The following ARHGAP31 variants were observed in gnomAD, a reference collection of about 807,000 sequenced individuals.
ARHGAP31 encodes Rho GTPase activating protein 31.
Under a neutral mutation model 113.9 loss-of-function variants are expected in ARHGAP31, and 34 were observed. That is an observed-to-expected ratio of 0.30 (90% CI 0.23 to 0.40). The LOEUF is 0.40. Among genes scored for constraint, ARHGAP31 ranks in the 10% least tolerant of loss-of-function variants. ARHGAP31 has a pLI of 1.00. For synonymous variants in ARHGAP31, 650 were observed against 684.8 expected (o/e 0.95, Z 0.79); for missense variants, 1,548 against 1,767.1 (o/e 0.88, Z 2.22).
At chr3:119,327,120 A>C (rs1016474157) in intron 1 of ARHGAP31, among the ~76,000 whole-genome samples, 9 of 152,174 alleles carry the variant, frequency 5.9e-5, no homozygotes, top group African/African-American at 1.9e-4. Context: ...AGCCTGGGCG[A>C]TAGAGCCAGA....
At position 119,401,937 on chromosome 3, in the gene ARHGAP31, G is replaced by A. The variant is rs1287759368; in HGVS notation, c.1185G>A (p.Glu395=). 1.2e-6 allele frequency: 2 copies of A among 1,614,016 alleles called. No homozygotes were observed. The highest frequency in any genetic ancestry group is 1.7e-5 in the Admixed American group (1 of 60,000). Residue 395 remains glutamate, a synonymous_variant, in exon 10 of 12, where the codon GAG becomes GAA. Coordinates refer to ENST00000264245, the MANE Select transcript of ARHGAP31 (RefSeq NM_020754.4). ...GCTCATGTGACCTCACCAAGCAGGA[G>A]GGCGAATGGGGCCAGGAGGGGATGC... ...TGSSCDLTKQ[E]GEWGQEGMPP...
intron 1 of ARHGAP31, among the ~76,000 whole-genome samples, chr3:119,300,439 A>G (rs921071404): frequency 1.3e-5 from 2 of 152,200 alleles, no homozygotes; most frequent in Non-Finnish European, 2.9e-5. Flanking sequence ...AAGCCAATTT[A>G]TGCAGGGATT....
intron 1 of ARHGAP31, among the ~76,000 whole-genome samples, chr3:119,359,473 T>A (rs893944669): frequency 6.6e-6 from 1 of 152,008 alleles, no homozygotes; most frequent in Non-Finnish European, 1.5e-5. Context: ...ACAGAACACA[T>A]TATACTTTGT....
chr3:119,337,166 G>C (rs187677160), intron 1 of ARHGAP31, among the ~76,000 whole-genome samples: 1 of 152,186 alleles, frequency 6.6e-6, no homozygotes, highest in East Asian at 1.9e-4. Context: ...GCGGACCCTG[G>C]CAGTGAGTGT....
At position 119,313,307 on chromosome 3, in the gene ARHGAP31, CAT is replaced by C. The variant is rs769190956; in HGVS notation, c.100+18306_100+18307del. On this transcript the variant is annotated intron_variant, in intron 1 of 11. Coordinates refer to ENST00000264245, the MANE Select transcript of ARHGAP31 (RefSeq NM_020754.4). ...TTTTGTGTATATACAAGCAAATATA[CAT>C]ATGTTTTATTTTTTAAACCATAATT... Among the ~76,000 whole-genome samples, 50 of 152,274 alleles carry C rather than the reference CAT, an allele frequency of 3.3e-4. 1 individual carries two copies. Among genetic ancestry groups the C allele is most frequent in the Admixed American group, 2.2e-3 (33 of 15,292 alleles).
chr3:119,295,189 C>T (rs1054594980), intron 1 of ARHGAP31, among the ~76,000 whole-genome samples, 185 bp downstream of exon 1: 1 of 151,376 alleles, frequency 6.6e-6, no homozygotes, highest in African/African-American at 2.4e-5. Flanking sequence ...CACAGCGCTG[C>T]TGTCCCGACG....
At chr3:119,412,879 C>T (rs1048864216) in intron 11 of ARHGAP31, among the ~76,000 whole-genome samples, 1 of 151,470 alleles carries the variant, frequency 6.6e-6, no homozygotes, top group African/African-American at 2.4e-5. Context: ...AAAAATTAGC[C>T]GGGTGGCACA....
At chr3:119,353,988 C>G (rs2080134017) in intron 1 of ARHGAP31, among the ~76,000 whole-genome samples, 1 of 152,140 alleles carries the variant, frequency 6.6e-6, no homozygotes, top group African/African-American at 2.4e-5. Context: ...CAGCAGAGAC[C>G]TGAGGGCCCC....
intron 7 of ARHGAP31, among the ~76,000 whole-genome samples, chr3:119,392,090 C>T (rs1423394099): frequency 6.6e-6 from 1 of 152,156 alleles, no homozygotes; most frequent in Non-Finnish European, 1.5e-5. Context: ...AAAAGCTTGA[C>T]AAAATGTGGG....
At chr3:119,407,039 G>A (rs1559995700) in intron 10 of ARHGAP31, among the ~76,000 whole-genome samples, 3 of 152,062 alleles carry the variant, frequency 2.0e-5, no homozygotes, top group East Asian at 1.9e-4. Context: ...AAACCCAAAT[G>A]AGGCCACATC....
At chr3:119,394,361 C>G (rs866591463) in intron 8 of ARHGAP31, among the ~76,000 whole-genome samples, 1 of 152,116 alleles carries the variant, frequency 6.6e-6, no homozygotes, top group Non-Finnish European at 1.5e-5. Flanking sequence ...CCTTCTCCCC[C>G]AGGGTCGTGA....
chr3:119,302,730 C>T (rs2079595335), intron 1 of ARHGAP31, among the ~76,000 whole-genome samples: 1 of 152,196 alleles, frequency 6.6e-6, no homozygotes, highest in Non-Finnish European at 1.5e-5. Context: ...CTGTATGACT[C>T]CTAAGGCCAT....
chr3:119,300,874 GAC>G (rs1288136134), intron 1 of ARHGAP31, among the ~76,000 whole-genome samples: 4 of 147,508 alleles, frequency 2.7e-5, no homozygotes, highest in Admixed American at 6.8e-5. Flanking sequence ...AAGAAAGAAA[GAC>G]ACAGCCTCAG....
rs536515609 is a variant in ARHGAP31 at position 119,347,824 on chromosome 3, A to C, written c.101-17492A>C. Among the ~76,000 whole-genome samples the C allele has an allele frequency of 1.5e-4, 23 of 152,360 alleles. 1 individual carries two copies. In the East Asian group the frequency reaches 4.4e-3, roughly 29 times the overall value. The stretch of plus-strand genomic sequence containing the variant: ...GACATTTTCAGTAGCAAACAACTGA[A>C]AATTCTAATTCTGAAGCTCTTAAAG... On this transcript the variant is annotated intron_variant, in intron 1 of 11. Coordinates refer to ENST00000264245, the MANE Select transcript of ARHGAP31 (RefSeq NM_020754.4).
At chr3:119,368,231 TAGA>T (rs1453890990) in intron 2 of ARHGAP31, 138 bp from the exon 3 acceptor site, 3 of 1,082,426 alleles carry the variant, frequency 2.8e-6, no homozygotes, top group East Asian at 2.5e-5. Context: ...GGGCCTGGAG[TAGA>T]AGATCTTTTT....
At chr3:119,382,544 G>C (rs937013507) in intron 5 of ARHGAP31, 145 bp downstream of exon 5, 1 of 731,976 alleles carries the variant, frequency 1.4e-6, no homozygotes, top group Non-Finnish European at 2.2e-6. Context: ...ATGAATTAAA[G>C]GTGATTTAGG....
At chr3:119,334,762 G>A (rs774277873) in intron 1 of ARHGAP31, among the ~76,000 whole-genome samples, 3 of 152,172 alleles carry the variant, frequency 2.0e-5, no homozygotes, top group African/African-American at 7.2e-5. Context: ...CTTTACAAGC[G>A]TGCATTATTC....
At position 119,415,629 on chromosome 3, in the gene ARHGAP31, G is replaced by A. The variant is rs775049243; in HGVS notation, c.3700G>A (p.Glu1234Lys). 44 of 1,614,026 alleles carry A rather than the reference G, an allele frequency of 2.7e-5. No individual in the cohort carries two copies. The highest frequency in any genetic ancestry group is 4.0e-5 in the African/African-American group (3 of 74,902). ...NGVQPLERSQEGPSSTSGTTQ... is the reference protein window; with the variant it reads ...NGVQPLERSQKGPSSTSGTTQ... ...GGTTCAGCCTCTGGAGAGGAGCCAGGAGGGACCCAGCTCAACCAGTGGGAC... is the reference window on the plus strand; with the variant it reads ...GGTTCAGCCTCTGGAGAGGAGCCAGAAGGGACCCAGCTCAACCAGTGGGAC... The change falls in exon 12 of 12, where the codon GAG becomes AAG. Residue 1234 changes from glutamate (E) to lysine (K), a missense_variant. By Grantham distance (56) the Glu-to-Lys change is moderately conservative. Transcript: ENST00000264245.
rs2080774694 is a variant in ARHGAP31 at position 119,416,069 on chromosome 3, C to A, written c.4140C>A (p.Thr1380=). The change falls in exon 12 of 12, where the codon ACC becomes ACA. Residue 1380 remains threonine, a synonymous_variant. Transcript: ENST00000264245. The stretch of plus-strand genomic sequence containing the variant: ...TGCTGTCCCCTATCAGAAGTCCCAC[C>A]CAGACAGTTTCCCCTGGCCTTCTTT... ...KVLLSPIRSP[T]QTVSPGLLCG... 3.7e-6 allele frequency: 6 copies of A among 1,614,192 alleles called. No individual in the cohort carries two copies. In the East Asian group the frequency reaches 1.3e-4, roughly 36 times the overall value.
Sources: allele counts gnomAD v4.1 joint callset (sites outside exome capture counted in the v4.1 genomes callset), GRCh38; gene constraint gnomAD v4.1.1; transcripts MANE v1.5; gene names NCBI Gene and HGNC (gene_info 2026-07-23, HGNC 2026-07-21).